The following MAGI2 variants were observed in gnomAD, a reference collection of about 807,000 sequenced individuals.
The protein encoded by MAGI2 is membrane-associated guanylate kinase, WW and PDZ domain-containing protein 2.
MAGI2 carries 35 observed loss-of-function variants against 133.3 expected under a neutral mutation model. That is an observed-to-expected ratio of 0.26 (90% CI 0.20 to 0.35). The LOEUF (loss-of-function observed/expected upper bound fraction) is 0.35. Among genes scored for constraint, MAGI2 ranks in the 10% least tolerant of loss-of-function variants. The pLI is 1.00. For synonymous variants in MAGI2, 729 were observed against 710.6 expected, an observed-to-expected ratio of 1.03 and a Z score of -0.41; for missense variants, 1,636 against 1,863.4, an observed-to-expected ratio of 0.88 and a Z score of 2.25.
At chr7:78,305,223 G>C (rs1271188112) in intron 9 of MAGI2, among the ~76,000 whole-genome samples, 1 of 152,086 alleles carries the variant, frequency 6.6e-6, no homozygotes, top group Non-Finnish European at 1.5e-5. Flanking sequence ...CTGGAATGCA[G>C]CTCTGTCTTT....
At chr7:79,339,617 G>A (rs567255951) in intron 1 of MAGI2, among the ~76,000 whole-genome samples, 7 of 152,018 alleles carry the variant, frequency 4.6e-5, no homozygotes, top group South Asian at 4.1e-4. Context: ...GTTCTACTAC[G>A]TATATTAAGT....
intron 1 of MAGI2, among the ~76,000 whole-genome samples, chr7:79,314,228 C>T (rs1222073747): frequency 6.6e-6 from 1 of 152,154 alleles, no homozygotes; most frequent in African/African-American, 2.4e-5. Context: ...CCCGCCTTGG[C>T]CTCCCAAAAT....
At chr7:78,598,645 G>A (rs1382306058) in intron 3 of MAGI2, among the ~76,000 whole-genome samples, 2 of 152,168 alleles carry the variant, frequency 1.3e-5, no homozygotes, top group African/African-American at 4.8e-5. Context: ...AATGAATCAA[G>A]GAAACCCGTT....
At chr7:78,649,290 T>A (rs1235041666) in intron 2 of MAGI2, among the ~76,000 whole-genome samples, 7 of 145,226 alleles carry the variant, frequency 4.8e-5, no homozygotes, top group African/African-American at 1.8e-4. Context: ...TTTTTATAAA[T>A]TTTTTAAAAC....
At chr7:79,369,995 A>G (rs1410903630) in intron 1 of MAGI2, among the ~76,000 whole-genome samples, 1 of 151,912 alleles carries the variant, frequency 6.6e-6, no homozygotes, top group Non-Finnish European at 1.5e-5. Context: ...CTGTGGCTAC[A>G]TTTTTGCTTT....
chr7:78,429,876 A>C (rs1398374864), intron 6 of MAGI2, among the ~76,000 whole-genome samples: 1 of 152,142 alleles, frequency 6.6e-6, no homozygotes, highest in Non-Finnish European at 1.5e-5. Flanking sequence ...ATTTTTATAG[A>C]TCAAGAAATC....
intron 16 of MAGI2, among the ~76,000 whole-genome samples, chr7:78,139,376 C>G (rs1162026474): frequency 1.3e-5 from 2 of 152,310 alleles, no homozygotes; most frequent in East Asian, 3.9e-4. Flanking sequence ...AAATCTCTGA[C>G]AAGGGATGTG....
intron 2 of MAGI2, among the ~76,000 whole-genome samples, chr7:78,691,713 A>G (rs1585100755): frequency 1.3e-5 from 2 of 152,286 alleles, no homozygotes; most frequent in East Asian, 3.9e-4. Context: ...AACTATGGAG[A>G]CAGTAAAAAA....
chr7:78,655,899 T>C (rs1183280332), intron 2 of MAGI2, among the ~76,000 whole-genome samples: 1 of 144,622 alleles, frequency 6.9e-6, no homozygotes, highest in African/African-American at 2.6e-5. Flanking sequence ...GAGAATGGCC[T>C]GAACCCGGGA....
chr7:78,239,877 A>G (rs1038872554), intron 10 of MAGI2, among the ~76,000 whole-genome samples: 1 of 152,266 alleles, frequency 6.6e-6, no homozygotes, highest in African/African-American at 2.4e-5. Context: ...AGATAGATCT[A>G]TATGATCAGT....
intron 1 of MAGI2, among the ~76,000 whole-genome samples, chr7:79,195,789 T>G (rs1211894424): frequency 4.6e-5 from 7 of 151,902 alleles, no homozygotes. Context: ...CTAAGGATTT[T>G]TTTTTTTGAG....
At chr7:79,135,893 A>G (rs1437216792) in intron 1 of MAGI2, among the ~76,000 whole-genome samples, 1 of 150,586 alleles carries the variant, frequency 6.6e-6, no homozygotes, top group South Asian at 2.1e-4. Context: ...GGGAGCTGTA[A>G]CGATGCCACT....
intron 1 of MAGI2, among the ~76,000 whole-genome samples, chr7:79,342,996 T>A (rs1841018597): frequency 6.6e-6 from 1 of 152,066 alleles, no homozygotes; most frequent in African/African-American, 2.4e-5. Context: ...ACTCCTGACC[T>A]CAGGTGATCC....
At chr7:78,255,693 C>G in intron 10 of MAGI2, 2 of 585,742 alleles carry the variant, frequency 3.4e-6, no homozygotes, top group South Asian at 4.5e-5. Context: ...TACCCTCCAA[C>G]TTTCTATCAA....
At chr7:78,560,004 G>C (rs928230796) in intron 3 of MAGI2, among the ~76,000 whole-genome samples, 4 of 152,046 alleles carry the variant, frequency 2.6e-5, no homozygotes, top group African/African-American at 9.7e-5. Context: ...GGGACTTACA[G>C]ACAAAAGGAA....
At chr7:79,320,237 A>G (rs1278836526) in intron 1 of MAGI2, among the ~76,000 whole-genome samples, 3 of 152,156 alleles carry the variant, frequency 2.0e-5, no homozygotes, top group African/African-American at 7.2e-5. Context: ...AATAACACAC[A>G]CACACAAAGA....
intron 2 of MAGI2, among the ~76,000 whole-genome samples, chr7:78,683,785 G>A (rs1815958181): frequency 6.6e-6 from 1 of 152,080 alleles, no homozygotes; most frequent in Non-Finnish European, 1.5e-5. Flanking sequence ...TCTGCAAACA[G>A]TGTCTTTGTT....
intron 2 of MAGI2, among the ~76,000 whole-genome samples, chr7:78,787,073 G>A (rs982709905): frequency 4.6e-5 from 7 of 151,740 alleles, no homozygotes; most frequent in East Asian, 1.9e-4. Flanking sequence ...TCAGCCTCCC[G>A]AGTAGCTGGG....
chr7:78,690,036 A>C (rs1816793921), intron 2 of MAGI2, among the ~76,000 whole-genome samples: 1 of 152,170 alleles, frequency 6.6e-6, no homozygotes, highest in Admixed American at 6.5e-5. Flanking sequence ...CATGTTTTGC[A>C]AGAGTTATTA....
Sources: allele counts gnomAD v4.1 joint callset (sites outside exome capture counted in the v4.1 genomes callset), GRCh38; gene constraint gnomAD v4.1.1; transcripts MANE v1.5; gene names NCBI Gene and HGNC (gene_info 2026-07-23, HGNC 2026-07-21).